Variants in GPR39 observed in about 807,000 individuals in gnomAD.
The protein encoded by GPR39 is zinc sensing receptor.
GPR39 carries 23 observed loss-of-function variants against 18.4 expected under a neutral mutation model. That is an observed-to-expected ratio of 1.25 (90% confidence interval 0.90 to 1.77). The LOEUF is 1.77. Among genes scored for constraint, GPR39 ranks in the 40% most tolerant of loss-of-function variants. The pLI, the probability that GPR39 is intolerant of heterozygous loss-of-function variation, is 0.00. For synonymous variants in GPR39, 280 were observed against 257.9 expected (o/e 1.09, Z -0.82); for missense variants, 647 against 602.4 (o/e 1.07, Z -0.78).
chr2:132,563,142 G>A (rs967826575), intron 1 of GPR39, among the ~76,000 whole-genome samples: 7 of 152,212 alleles, frequency 4.6e-5, no homozygotes, highest in Non-Finnish European at 8.8e-5. Context: ...AAAGGGGAGT[G>A]TAGTTCATAG....
chr2:132,609,476 C>A lies in GPR39; in HGVS notation c.857-35625C>A, dbSNP rs191328959. ...TATACAAAGTTGCACAGTTGGAAAC[C>A]GAGGGGTGCAACTGGGGTTGAGTTG... On this transcript the variant is annotated intron_variant, in intron 1 of 1. Transcript: ENST00000329321. Among the ~76,000 whole-genome samples the A allele has an allele frequency of 9.2e-5, 14 of 152,200 alleles. No individual in the cohort carries two copies. The East Asian group carries it at 2.7e-3, about 29-fold the overall frequency.
chr2:132,630,237 A>G (rs1681624107), intron 1 of GPR39, among the ~76,000 whole-genome samples: 1 of 152,214 alleles, frequency 6.6e-6, no homozygotes, highest in Non-Finnish European at 1.5e-5. Flanking sequence ...GCCAAGAAGT[A>G]TGAGGGCAAT....
intron 1 of GPR39, among the ~76,000 whole-genome samples, chr2:132,519,397 C>T (rs1679386009): frequency 6.6e-6 from 1 of 152,254 alleles, no homozygotes; most frequent in African/African-American, 2.4e-5. Flanking sequence ...TTGTCAAATA[C>T]ATGTTTGGGG....
chr2:132,574,588 A>C (rs1447145153), intron 1 of GPR39, among the ~76,000 whole-genome samples: 1 of 152,156 alleles, frequency 6.6e-6, no homozygotes, highest in East Asian at 1.9e-4. Context: ...TACAAAAATT[A>C]GCTGGACATG....
At chr2:132,439,866 A>G (rs1680402116) in intron 1 of GPR39, among the ~76,000 whole-genome samples, 1 of 152,106 alleles carries the variant, frequency 6.6e-6, no homozygotes, top group Non-Finnish European at 1.5e-5. Flanking sequence ...AAGAATTTGA[A>G]CACCGCTGGA....
intron 1 of GPR39, among the ~76,000 whole-genome samples, chr2:132,619,830 G>GACACACACAC (rs59907073): frequency 3.6e-5 from 5 of 138,570 alleles, no homozygotes; most frequent in African/African-American, 1.4e-4. Context: ...CACAGACACA[G>GACACACACAC]ACACACACAC....
At chr2:132,538,568 A>C (rs1267295346) in intron 1 of GPR39, among the ~76,000 whole-genome samples, 1 of 152,192 alleles carries the variant, frequency 6.6e-6, no homozygotes, top group East Asian at 1.9e-4. Flanking sequence ...TAGCAGAGCT[A>C]ATGTGCTGTG....
chr2:132,621,255 C>A (rs1342964183), intron 1 of GPR39, among the ~76,000 whole-genome samples: 1 of 152,134 alleles, frequency 6.6e-6, no homozygotes, highest in African/African-American at 2.4e-5. Flanking sequence ...AAAACGGGTC[C>A]CTGAACTCAG....
chr2:132,574,219 A>C (rs549689895), intron 1 of GPR39, among the ~76,000 whole-genome samples: 2 of 152,290 alleles, frequency 1.3e-5, no homozygotes, highest in East Asian at 3.9e-4. Context: ...GTGTTGAATG[A>C]ATGTTTATTC....
chr2:132,540,307 C>T (rs1679839752), intron 1 of GPR39, among the ~76,000 whole-genome samples: 1 of 152,178 alleles, frequency 6.6e-6, no homozygotes. Flanking sequence ...GCAGCATGAG[C>T]CCCAGGGTTC....
Position 132,492,597 on chromosome 2 carries a change from C to CAA in GPR39, c.856+74699_856+74700insAA, listed in dbSNP as rs199975387. ...CATATATATACACACCATATATATA[C>CAA]CATATATACACACCATCTATATATA... On this transcript the variant is annotated intron_variant, in intron 1 of 1. Transcript: ENST00000329321. Among the ~76,000 whole-genome samples, 174 of 120,846 alleles carry CAA rather than the reference C, an allele frequency of 1.4e-3. 3 individuals carry two copies. Among genetic ancestry groups the CAA allele is most frequent in the African/African-American group, 5.0e-3 (163 of 32,614 alleles). 79.3% of individuals were successfully genotyped at this position (120,846 alleles called of 152,430 possible). A position where few individuals can be genotyped will look rare whatever the true frequency, so the allele number is the denominator to read the frequency against.
At chr2:132,452,809 AT>A (rs1455586746) in intron 1 of GPR39, among the ~76,000 whole-genome samples, 3 of 107,282 alleles carry the variant, frequency 2.8e-5, no homozygotes, top group Non-Finnish European at 7.3e-5. Flanking sequence ...ACATGAACTC[AT>A]TCTTTTTTTA....
chr2:132,630,687 G>A (rs1681634279), intron 1 of GPR39, among the ~76,000 whole-genome samples: 2 of 152,162 alleles, frequency 1.3e-5, no homozygotes, highest in Non-Finnish European at 2.9e-5. Flanking sequence ...GATGGTAGTA[G>A]CCCCAATCAG....
intron 1 of GPR39, among the ~76,000 whole-genome samples, chr2:132,518,695 A>G (rs1038409488): frequency 1.3e-5 from 2 of 152,260 alleles, no homozygotes; most frequent in Non-Finnish European, 2.9e-5. Flanking sequence ...GTTTTCTAGT[A>G]GCCACATTTT....
At chr2:132,594,577 T>A (rs1204420857) in intron 1 of GPR39, among the ~76,000 whole-genome samples, 1 of 152,086 alleles carries the variant, frequency 6.6e-6, no homozygotes, top group Admixed American at 6.5e-5. Flanking sequence ...AAAATTTAAA[T>A]CCCTTCCCTG....
intron 1 of GPR39, among the ~76,000 whole-genome samples, chr2:132,574,642 C>T (rs111270649): frequency 6.7e-4 from 102 of 152,132 alleles, no homozygotes; most frequent in African/African-American, 1.2e-3. Flanking sequence ...GGCCAAGGCA[C>T]GAGAATTGCT....
intron 1 of GPR39, among the ~76,000 whole-genome samples, chr2:132,591,411 C>A (rs1347793315): frequency 6.6e-6 from 1 of 152,088 alleles, no homozygotes; most frequent in Non-Finnish European, 1.5e-5. Flanking sequence ...CCTGGACTTA[C>A]ACCAGTGGTT....
At chr2:132,626,252 T>G (rs573788893) in intron 1 of GPR39, among the ~76,000 whole-genome samples, 1 of 152,202 alleles carries the variant, frequency 6.6e-6, no homozygotes, top group Non-Finnish European at 1.5e-5. Flanking sequence ...AGTATTTAAA[T>G]CAACCCATAA....
chr2:132,598,583 T>C (rs1021142106), intron 1 of GPR39, among the ~76,000 whole-genome samples: 1 of 152,052 alleles, frequency 6.6e-6, no homozygotes, highest in African/African-American at 2.4e-5. Context: ...TTCTAGAGTT[T>C]AGGTTTGCCA....
Sources: allele counts gnomAD v4.1 joint callset (sites outside exome capture counted in the v4.1 genomes callset), GRCh38; gene constraint gnomAD v4.1.1; transcripts MANE v1.5; gene names NCBI Gene and HGNC (gene_info 2026-07-23, HGNC 2026-07-21).